WARS1: variants seen among roughly 807,000 people sequenced by gnomAD.
WARS1 encodes tryptophanyl-tRNA synthetase 1.
A neutral mutation model predicts 47.8 loss-of-function variants in WARS1; 17 were observed. That is an observed-to-expected ratio of 0.36 (90% confidence interval 0.24 to 0.53). The LOEUF is 0.53. Among genes scored for constraint, WARS1 ranks in the 20% least tolerant of loss-of-function variants. The pLI is 0.91. For synonymous variants in WARS1, 208 were observed against 228.1 expected, an observed-to-expected ratio of 0.91 and a Z score of 0.79; for missense variants, 434 against 608.0, an observed-to-expected ratio of 0.71 and a Z score of 3.01.
chr14:100,353,576 A>G, intron 6 of WARS1, 111 bp downstream of exon 6: 1 of 1,316,006 alleles, frequency 7.6e-7, no homozygotes, highest in Non-Finnish European at 1.0e-6. Context: ...AGGAAGAAGA[A>G]CATTTACTAG....
Position 100,342,532 on chromosome 14 carries a change from T to A in WARS1, c.979A>T (p.Ile327Phe). Reference sequence around the variant, plus strand: ...AGCAGGGCTGGTTTAGGATAGCCGATCCTGGGGGCGACGTCCCTTGTCATT... The same window carrying A: ...AGCAGGGCTGGTTTAGGATAGCCGAACCTGGGGGCGACGTCCCTTGTCATT... Reference protein sequence around the residue: ...FRMTRDVAPRIGYPKPALLHS... With the variant: ...FRMTRDVAPRFGYPKPALLHS... The change falls in exon 9 of 11, where the codon ATC (isoleucine) becomes TTC (phenylalanine). Residue 327 changes from isoleucine to phenylalanine, a missense_variant. By Grantham distance (21) the Ile-to-Phe change is conservative. This residue lies in a region of WARS1 where 347 missense variants were observed against 523.8 expected (regional missense o/e 0.66). Coordinates refer to ENST00000392882, the MANE Select transcript of WARS1 (RefSeq NM_004184.4). 6.2e-7 allele frequency: 1 copy of A among 1,613,120 alleles called. No individual in the cohort carries two copies. Among genetic ancestry groups the A allele is most frequent in the Non-Finnish European group, 8.5e-7 (1 of 1,179,720 alleles).
chr14:100,349,775 C>T (rs916875888), intron 6 of WARS1, among the ~76,000 whole-genome samples: 1 of 152,246 alleles, frequency 6.6e-6, no homozygotes, highest in African/African-American at 2.4e-5. Context: ...GGGAACTGCA[C>T]TGGCCTCCTC....
intron 7 of WARS1, among the ~76,000 whole-genome samples, chr14:100,344,601 C>T (rs1277712828): frequency 1.4e-4 from 21 of 151,368 alleles, no homozygotes; most frequent in Admixed American, 9.2e-4. Context: ...AAGTGAGGAG[C>T]GTCTCTGCCC....
chr14:100,375,704 G>A (rs1315574312), upstream of WARS1: 1 of 152,102 alleles, frequency 6.6e-6, no homozygotes, highest in Non-Finnish European at 1.5e-5. Flanking sequence ...ATTTTGTGTA[G>A]TCGTGGGCGG....
intron 1 of WARS1, among the ~76,000 whole-genome samples, chr14:100,369,483 T>C (rs116548998): frequency 0.013 from 1,899 of 151,754 alleles, 38 homozygotes; most frequent in African/African-American, 0.043. Context: ...GTGGCTAGGA[T>C]TTACTGACTT....
intron 2 of WARS1, chr14:100,366,589 G>C (rs1896011400): frequency 2.9e-6 from 2 of 692,912 alleles, no homozygotes; most frequent in Admixed American, 4.5e-5. Context: ...CAGAGAGAGA[G>C]AGTTGAGTGT....
In WARS1 at chr14:100,335,054, G is replaced by C; in HGVS notation, c.1255-18C>G. ...GTGTAATCCTGCCCGGAGGGAGACA[G>C]CCACGTGAGAGATGGCTCCACATGT... On this transcript the variant is annotated intron_variant, in intron 10 of 10. Coordinates refer to ENST00000392882, the MANE Select transcript of WARS1 (RefSeq NM_004184.4). 1 of 1,609,702 alleles carries C rather than the reference G, an allele frequency of 6.2e-7. No individual in the cohort carries two copies. Among genetic ancestry groups the C allele is most frequent in the Non-Finnish European group, 8.5e-7 (1 of 1,176,818 alleles).
rs1478581432 is a variant in WARS1, at chr14:100,339,406, ACGGTGAAACCC to A, written c.1114-2215_1114-2205del. Among the ~76,000 whole-genome samples, 7 of 151,992 alleles carry A rather than the reference ACGGTGAAACCC, an allele frequency of 4.6e-5. No homozygotes were observed. The South Asian group carries it at 1.5e-3, about 31-fold the overall frequency. On this transcript the variant is annotated intron_variant, in intron 9 of 10. Coordinates refer to ENST00000392882, the MANE Select transcript of WARS1 (RefSeq NM_004184.4). ...GGAGATCAAGACCATCCTGGCTAAC[ACGGTGAAACCC>A]CGTCTCTACCAAAATACAAAAAATT...
chr14:100,356,635 A>G (rs1895342931), intron 4 of WARS1, among the ~76,000 whole-genome samples: 5 of 152,216 alleles, frequency 3.3e-5, no homozygotes, highest in Admixed American at 3.3e-4. Context: ...ACAAACAAAA[A>G]GACTGAATTA....
At chr14:100,375,833 G>C (rs1274811853), upstream of WARS1, 2 of 152,252 alleles carry the variant, frequency 1.3e-5, no homozygotes, top group African/African-American at 2.4e-5. Context: ...GGACTTATTC[G>C]AAACCTTGGG....
At chr14:100,339,103 TCACACACACACACACACACATA>T (rs1310445255) in intron 9 of WARS1, among the ~76,000 whole-genome samples, 1 of 145,296 alleles carries the variant, frequency 6.9e-6, no homozygotes, top group East Asian at 2.1e-4. Context: ...TGAAACTCCA[TCACACACACACACACACACATA>T]CACACACACA....
intron 9 of WARS1, chr14:100,340,134 G>A (rs1566836781): frequency 6.6e-6 from 1 of 152,248 alleles, no homozygotes; most frequent in Non-Finnish European, 1.5e-5. Flanking sequence ...GGACCAGGCT[G>A]GCTCCTGGGA....
intron 1 of WARS1, among the ~76,000 whole-genome samples, chr14:100,371,707 C>T (rs952949853): frequency 6.6e-6 from 1 of 152,102 alleles, no homozygotes; most frequent in African/African-American, 2.4e-5. Flanking sequence ...TGCACTCCAA[C>T]CTGGGCAACA....
chr14:100,348,325 C>T (rs1395249808), intron 6 of WARS1, among the ~76,000 whole-genome samples: 1 of 152,204 alleles, frequency 6.6e-6, no homozygotes, highest in Non-Finnish European at 1.5e-5. Context: ...AAGCACAATG[C>T]TGGGAGGCCT....
At chr14:100,338,247 A>G (rs1247222122) in intron 9 of WARS1, among the ~76,000 whole-genome samples, 1 of 152,162 alleles carries the variant, frequency 6.6e-6, no homozygotes, top group Admixed American at 6.6e-5. Context: ...TCTTTCAGTG[A>G]GCATCTGAGA....
At chr14:100,355,805 T>G (rs1371211956) in intron 4 of WARS1, among the ~76,000 whole-genome samples, 1 of 152,148 alleles carries the variant, frequency 6.6e-6, no homozygotes, top group Non-Finnish European at 1.5e-5. Context: ...TTTTTCCCCA[T>G]GAAATGCTCA....
At chr14:100,348,783 C>G (rs1045885261) in intron 6 of WARS1, among the ~76,000 whole-genome samples, 7 of 152,162 alleles carry the variant, frequency 4.6e-5, no homozygotes, top group Non-Finnish European at 8.8e-5. Context: ...TCCAGTACCC[C>G]CAAACTGTGG....
chr14:100,339,054 C>T (rs557775029), intron 9 of WARS1, among the ~76,000 whole-genome samples: 61 of 151,366 alleles, frequency 4.0e-4, no homozygotes, highest in African/African-American at 1.0e-3. Flanking sequence ...TGTGGTGAGC[C>T]GAGATTGTGC....
intron 2 of WARS1, among the ~76,000 whole-genome samples, chr14:100,364,858 A>C (rs1895860537): frequency 6.6e-6 from 1 of 152,222 alleles, no homozygotes; most frequent in African/African-American, 2.4e-5. Context: ...TTATTTTATA[A>C]TTTTGTTTTA....
Sources: gnomAD v4.1 joint callset for allele counts (sites outside exome capture counted in the v4.1 genomes callset) on GRCh38, gnomAD v4.1.1 for gene constraint, gnomAD v4.1.1 regional missense constraint, MANE v1.5 for transcripts, NCBI Gene and HGNC (gene_info 2026-07-23, HGNC 2026-07-21) for gene names.